Variants in NBEAL1 observed in about 807,000 individuals in gnomAD.
NBEAL1 encodes neurobeachin-like protein 1.
Under a neutral mutation model 351.3 loss-of-function variants are expected in NBEAL1, and 273 were observed. The ratio of observed to expected loss-of-function variants is 0.78; its 90% CI spans 0.70 to 0.86. The LOEUF is 0.86. NBEAL1 is among the 40% of genes least tolerant of loss of function. The probability of loss-of-function intolerance (pLI) is 0.00; values close to 1 mark genes in which losing one functional copy is unlikely to be tolerated. For synonymous variants in NBEAL1, 1,050 were observed against 1,086.4 expected (o/e 0.97, Z 0.66); for missense variants, 2,961 against 3,201.3 (o/e 0.92, Z 1.81).
chr2:203,017,508 T>C (rs1356603110), intron 2 of NBEAL1, among the ~76,000 whole-genome samples: 1 of 152,168 alleles, frequency 6.6e-6, no homozygotes, highest in African/African-American at 2.4e-5. Context: ...ATACCAGAAA[T>C]GTCTTTTTAA....
chr2:203,162,359 T>C (rs2063993277), intron 36 of NBEAL1, among the ~76,000 whole-genome samples: 1 of 152,096 alleles, frequency 6.6e-6, no homozygotes, highest in Admixed American at 6.6e-5. Context: ...AAGCCACATA[T>C]TCAGCCAAGA....
chr2:203,155,527 C>T (rs1233033445), intron 35 of NBEAL1, among the ~76,000 whole-genome samples: 1 of 152,062 alleles, frequency 6.6e-6, no homozygotes, highest in South Asian at 2.1e-4. Context: ...GCCTTGAGCT[C>T]CTGGGCTCAA....
In NBEAL1 at chr2:203,063,939, A is replaced by G. The variant is rs183862772; in HGVS notation, c.516-4454A>G. 4.0e-3 allele frequency among the ~76,000 whole-genome samples: 612 copies of G among 152,130 alleles called. 1 individual carries two copies. Among genetic ancestry groups the G allele is most frequent in the Middle Eastern group, 6.8e-3 (2 of 294 alleles). On this transcript the variant is annotated intron_variant, in intron 6 of 55. Coordinates refer to ENST00000683969, the MANE Select transcript of NBEAL1 (RefSeq NM_001378026.1). ...TATAGAGGAGATGCTGGAGTTGGGG[A>G]AAAAAAACACATTTTGCACACATCA...
At chr2:203,094,951 A>G (rs1559361325) in intron 10 of NBEAL1, among the ~76,000 whole-genome samples, 1 of 151,974 alleles carries the variant, frequency 6.6e-6, no homozygotes, top group East Asian at 1.9e-4. Flanking sequence ...GTGAAACCCC[A>G]TCTCTACTAA....
chr2:203,192,694 A>G (rs1183506045), intron 46 of NBEAL1, among the ~76,000 whole-genome samples: 1 of 152,124 alleles, frequency 6.6e-6, no homozygotes, highest in Non-Finnish European at 1.5e-5. Flanking sequence ...TCTAAAAGCT[A>G]AATATTTTAG....
rs1215756631 is a variant in NBEAL1, at chr2:203,219,047, A to G, written c.*1693A>G. The G allele has an allele frequency of 6.6e-6, 1 of 152,190 alleles. No individual in the cohort carries two copies. The highest frequency in any genetic ancestry group is 6.5e-5 in the Admixed American group (1 of 15,270). The allele number at this position is 152,190 out of a possible 1,614,324, so 9.4% of individuals were successfully genotyped here. ...AAGTAGCAATAATTATGATGCATAAATGAGACTGGCATCTATTCATTTATT... is the reference window on the plus strand; with the variant it reads ...AAGTAGCAATAATTATGATGCATAAGTGAGACTGGCATCTATTCATTTATT... On this transcript the variant is annotated 3_prime_UTR_variant, in exon 56 of 56. Transcript: ENST00000683969.
intron 18 of NBEAL1, among the ~76,000 whole-genome samples, chr2:203,116,715 A>G (rs1002083881): frequency 1.3e-5 from 2 of 148,900 alleles, no homozygotes; most frequent in East Asian, 4.1e-4. Flanking sequence ...CCTTGAGCCC[A>G]GGAGTTTGAG....
At chr2:203,018,110 C>T (rs1574851117) in intron 2 of NBEAL1, among the ~76,000 whole-genome samples, 1 of 152,018 alleles carries the variant, frequency 6.6e-6, no homozygotes, top group East Asian at 1.9e-4. Flanking sequence ...CAGGTAGCTA[C>T]CAAATATACC....
chr2:203,100,137 CT>C (rs1272232820), intron 12 of NBEAL1, among the ~76,000 whole-genome samples: 12 of 152,102 alleles, frequency 7.9e-5, no homozygotes, highest in African/African-American at 2.7e-4. Flanking sequence ...ACTACATTTT[CT>C]TTATCCAGTC....
At chr2:203,047,678 A>G (rs927648213) in intron 3 of NBEAL1, among the ~76,000 whole-genome samples, 21 of 152,084 alleles carry the variant, frequency 1.4e-4, no homozygotes, top group Non-Finnish European at 2.9e-5. Flanking sequence ...TATGGTGTAA[A>G]AATCTCTTTG....
In NBEAL1 at chr2:203,217,532, G is replaced by C; in HGVS notation, c.*178G>C. ...TCTTGGTCTATACTAAGATGTATTTGAGAAAATACATTTGATTTGATTTTG... is the reference window on the plus strand; with the variant it reads ...TCTTGGTCTATACTAAGATGTATTTCAGAAAATACATTTGATTTGATTTTG... On this transcript the variant is annotated 3_prime_UTR_variant, in exon 56 of 56. Transcript: ENST00000683969. 1 of 1,203,192 alleles carries C rather than the reference G, an allele frequency of 8.3e-7. No homozygotes were observed. The highest frequency in any genetic ancestry group is 3.4e-5 in the East Asian group (1 of 29,568). 74.5% of individuals were successfully genotyped at this position (1,203,192 alleles called of 1,614,324 possible).
chr2:203,068,276 C>CAT (rs1467811747), intron 6 of NBEAL1, 117 bp from the exon 7 acceptor site: 1 of 493,334 alleles, frequency 2.0e-6, no homozygotes, highest in Admixed American at 3.7e-5. Flanking sequence ...CCTAGAGATA[C>CAT]ATAGTTCAAG....
intron 31 of NBEAL1, among the ~76,000 whole-genome samples, chr2:203,141,360 ATTATTATTTTTTTTTT>A (rs2063366486): frequency 1.5e-4 from 2 of 13,638 alleles, no homozygotes; most frequent in African/African-American, 1.9e-4. Context: ...TATTATTATT[ATTATTATTTTTTTTTT>A]TTTTTTTTTT....
chr2:203,071,685 AC>A (rs2061685326), intron 7 of NBEAL1, among the ~76,000 whole-genome samples: 1 of 152,224 alleles, frequency 6.6e-6, no homozygotes, highest in African/African-American at 2.4e-5. Context: ...GACTGAAGTT[AC>A]AATTCATCCT....
At chr2:203,049,613 TCTTCTAGTTA>T (rs760126545) in intron 3 of NBEAL1, among the ~76,000 whole-genome samples, 191 bp from the exon 4 acceptor site, 14 of 152,128 alleles carry the variant, frequency 9.2e-5, no homozygotes, top group Non-Finnish European at 1.6e-4. Context: ...TAGTTACTAA[TCTTCTAGTTA>T]CTTCTAGTTA....
rs1269648608 is a variant in NBEAL1 at position 203,196,582 on chromosome 2, G to C, written c.7039-720G>C. Among the ~76,000 whole-genome samples the C allele has an allele frequency of 2.0e-5, 3 of 152,110 alleles. No individual in the cohort carries two copies. In the East Asian group the frequency reaches 5.8e-4, roughly 29 times the overall value. On this transcript the variant is annotated intron_variant, in intron 47 of 55. Transcript: ENST00000683969. ...ATTAATTCACAACGTAAAGAGAAAA[G>C]ATAATCACCAACTTTTTAAAATTTT...
intron 51 of NBEAL1, 102 bp from the exon 52 acceptor site, chr2:203,208,535 C>T (rs1196331701): frequency 6.7e-6 from 5 of 743,612 alleles, no homozygotes; most frequent in Non-Finnish European, 1.2e-5. Flanking sequence ...TAACTAGTTG[C>T]AATGTTAGTT....
In NBEAL1 at chr2:203,224,287, T is replaced by A. The variant is rs755921751; in HGVS notation, c.*6933T>A. Among the ~76,000 whole-genome samples, 27 of 152,096 alleles carry A rather than the reference T, an allele frequency of 1.8e-4. No individual in the cohort carries two copies. Among genetic ancestry groups the A allele is most frequent in the Non-Finnish European group, 2.9e-4 (20 of 67,950 alleles). On this transcript the variant is annotated 3_prime_UTR_variant, in exon 56 of 56. Coordinates refer to ENST00000683969, the MANE Select transcript of NBEAL1 (RefSeq NM_001378026.1). The stretch of plus-strand genomic sequence containing the variant: ...AGTAGCTTTATATAAGAAAACTTCT[T>A]AGAAAACTATGTGGCTGGTTGGTTC...
chr2:203,094,068 G>A (rs1345049093), intron 10 of NBEAL1, among the ~76,000 whole-genome samples: 3 of 152,032 alleles, frequency 2.0e-5, no homozygotes, highest in Non-Finnish European at 4.4e-5. Flanking sequence ...AATGTCCTAA[G>A]GCATTAAATG....
Sources: allele counts gnomAD v4.1 joint callset (sites outside exome capture counted in the v4.1 genomes callset), GRCh38; gene constraint gnomAD v4.1.1; transcripts MANE v1.5; gene names NCBI Gene and HGNC (gene_info 2026-07-23, HGNC 2026-07-21).